The following CMIP variants were observed in gnomAD, a reference collection of about 807,000 sequenced individuals.
The protein encoded by CMIP is c-Maf inducing protein.
In CMIP, 13 loss-of-function variants were observed where a neutral mutation model predicts 97.3. The observed-to-expected ratio is 0.13, with a 90% CI of 0.09 to 0.21. CMIP has a LOEUF of 0.21. CMIP is among the 10% of genes least tolerant of loss of function. CMIP has a pLI of 1.00. For missense variants in CMIP, 847 were observed against 1,024.9 expected, an observed-to-expected ratio of 0.83 and a Z score of 2.37; for synonymous variants, 538 against 436.3, an observed-to-expected ratio of 1.23 and a Z score of -2.91.
chr16:81,559,957 G>A (rs1168318695), intron 1 of CMIP, among the ~76,000 whole-genome samples: 2 of 151,784 alleles, frequency 1.3e-5, no homozygotes, highest in Admixed American at 6.6e-5. Flanking sequence ...AGACCAGCCC[G>A]GCCAACGTGT....
intron 1 of CMIP, among the ~76,000 whole-genome samples, chr16:81,477,760 G>T (rs1908016394): frequency 6.6e-6 from 1 of 152,240 alleles, no homozygotes; most frequent in South Asian, 2.1e-4. Context: ...GCCCCTCCAT[G>T]TGGCTGCTCC....
Position 81,674,466 on chromosome 16 carries a change from C to G in CMIP, c.1034+2396C>G, listed in dbSNP as rs555087543. Reference sequence around the variant, plus strand: ...AAGTTATACCCAGAGTGTGCAGGAGCCAGCTCACACGTTACATTTGGGAAC... The same window carrying G: ...AAGTTATACCCAGAGTGTGCAGGAGGCAGCTCACACGTTACATTTGGGAAC... On this transcript the variant is annotated intron_variant, in intron 9 of 20. Coordinates refer to ENST00000537098, the MANE Select transcript of CMIP (RefSeq NM_198390.3). 4.6e-5 allele frequency among the ~76,000 whole-genome samples: 7 copies of G among 152,210 alleles called. No homozygotes were observed. The South Asian group carries it at 1.5e-3, about 32-fold the overall frequency.
chr16:81,519,106 T>A (rs183843781), intron 1 of CMIP: 14 of 152,348 alleles, frequency 9.2e-5, no homozygotes, highest in African/African-American at 3.4e-4. Context: ...TTGCTGGGAT[T>A]CCAGGCATGA....
At chr16:81,603,228 C>T (rs1249959961) in intron 1 of CMIP, among the ~76,000 whole-genome samples, 8 of 152,050 alleles carry the variant, frequency 5.3e-5, no homozygotes, top group Non-Finnish European at 7.4e-5. Flanking sequence ...TACAGGCACC[C>T]GCCACCACGC....
chr16:81,623,651 G>A (rs2092021473), intron 3 of CMIP, among the ~76,000 whole-genome samples: 1 of 152,184 alleles, frequency 6.6e-6, no homozygotes, highest in Non-Finnish European at 1.5e-5. Context: ...ATTTGAGAAG[G>A]CATGCTCTCC....
intron 1 of CMIP, among the ~76,000 whole-genome samples, chr16:81,544,990 C>T (rs553433689): frequency 1.3e-5 from 2 of 152,170 alleles, no homozygotes; most frequent in African/African-American, 4.8e-5. Flanking sequence ...TCATTTTCAT[C>T]TCCTGCCAGT....
At chr16:81,556,287 G>T (rs1420556361) in intron 1 of CMIP, among the ~76,000 whole-genome samples, 1 of 152,086 alleles carries the variant, frequency 6.6e-6, no homozygotes, top group East Asian at 1.9e-4. Context: ...GGTGGCGGCG[G>T]GCACTAGGTT....
intron 1 of CMIP, among the ~76,000 whole-genome samples, chr16:81,563,873 C>T (rs903552171): frequency 6.6e-6 from 1 of 152,206 alleles, no homozygotes; most frequent in Non-Finnish European, 1.5e-5. Flanking sequence ...GGAAGAGCCG[C>T]CTTCCATTGC....
chr16:81,542,895 C>A (rs2090475071), intron 1 of CMIP, among the ~76,000 whole-genome samples: 2 of 152,234 alleles, frequency 1.3e-5, no homozygotes, highest in Non-Finnish European at 2.9e-5. Context: ...CAATCCATAG[C>A]ACCGTCCCTA....
chr16:81,472,885 T>C (rs1414380719), intron 1 of CMIP, among the ~76,000 whole-genome samples: 1 of 152,162 alleles, frequency 6.6e-6, no homozygotes, highest in African/African-American at 2.4e-5. Flanking sequence ...CAGTACTTTG[T>C]CCTGTTCCTT....
At chr16:81,535,739 GA>G (rs1567565347) in intron 1 of CMIP, among the ~76,000 whole-genome samples, 1 of 152,098 alleles carries the variant, frequency 6.6e-6, no homozygotes, top group Non-Finnish European at 1.5e-5. Flanking sequence ...CTCGTTTACA[GA>G]TGTTGGACCC....
Position 81,445,177 on chromosome 16 carries a change from C to T in CMIP, c.-65C>T, listed in dbSNP as rs1905747905. On this transcript the variant is annotated 5_prime_UTR_variant, in exon 1 of 21. Transcript: ENST00000537098. ...GTGCGGGCCGCCGGATCCGGGGGCC[C>T]CGCCGCCCCAGCAGCCCAGGACAGC... is the stretch of plus-strand genomic sequence containing the variant. The T allele has an allele frequency of 2.7e-6, 3 of 1,116,062 alleles. No homozygotes were observed. Among genetic ancestry groups the T allele is most frequent in the Non-Finnish European group, 3.5e-6 (3 of 853,754 alleles). 69.1% of individuals were successfully genotyped at this position (1,116,062 alleles called of 1,614,324 possible). A position where few individuals can be genotyped will look rare whatever the true frequency, so the allele number is the denominator to read the frequency against.
intron 1 of CMIP, among the ~76,000 whole-genome samples, chr16:81,532,080 C>G (rs962378545): frequency 6.6e-6 from 1 of 152,178 alleles, no homozygotes; most frequent in African/African-American, 2.4e-5. Context: ...CTGGTGAGCT[C>G]CACTCTACAG....
At chr16:81,601,754 G>C (rs2091661529) in intron 1 of CMIP, among the ~76,000 whole-genome samples, 1 of 152,128 alleles carries the variant, frequency 6.6e-6, no homozygotes, top group African/African-American at 2.4e-5. Flanking sequence ...CCCGGGGCCA[G>C]AACCCCAGCT....
intron 1 of CMIP, among the ~76,000 whole-genome samples, chr16:81,527,009 G>C (rs764279392): frequency 9.2e-5 from 14 of 152,226 alleles, no homozygotes; most frequent in Non-Finnish European, 1.8e-4. Flanking sequence ...TTTGCAGTTT[G>C]GGGCCTGGTT....
chr16:81,513,296 G>A (rs986596765), intron 1 of CMIP, among the ~76,000 whole-genome samples: 3 of 152,232 alleles, frequency 2.0e-5, no homozygotes, highest in African/African-American at 4.8e-5. Context: ...CAGAGGAGCC[G>A]CCTTTCTCTT....
chr16:81,588,047 T>A (rs919529878), intron 1 of CMIP, among the ~76,000 whole-genome samples: 1 of 152,128 alleles, frequency 6.6e-6, no homozygotes, highest in Non-Finnish European at 1.5e-5. Flanking sequence ...ACTACTGCAT[T>A]TGTCTTGATA....
intron 3 of CMIP, chr16:81,645,252 G>A (rs2092350806): frequency 4.6e-6 from 3 of 652,698 alleles, no homozygotes; most frequent in Non-Finnish European, 6.6e-6. Flanking sequence ...GGTCCTCCCT[G>A]GCTCATATTT....
At chr16:81,619,507 G>A (rs2091964956) in intron 2 of CMIP, 1 of 152,282 alleles carries the variant, frequency 6.6e-6, no homozygotes, top group South Asian at 2.1e-4. Flanking sequence ...CGAGGCAGAA[G>A]GTGGATGTTC....
Sources: gnomAD v4.1 joint callset for allele counts (sites outside exome capture counted in the v4.1 genomes callset) on GRCh38, gnomAD v4.1.1 for gene constraint, MANE v1.5 for transcripts, NCBI Gene and HGNC (gene_info 2026-07-23, HGNC 2026-07-21) for gene names.